EVL: variants seen among roughly 807,000 people sequenced by gnomAD.
EVL encodes Enah/Vasp-like.
Under a neutral mutation model 59.6 loss-of-function variants are expected in EVL, and 21 were observed. That is an observed-to-expected ratio of 0.35 (90% confidence interval 0.25 to 0.51). EVL has a LOEUF of 0.51. Among genes scored for constraint, EVL ranks in the 20% least tolerant of loss-of-function variants. EVL has a pLI of 0.97. For synonymous variants in EVL, 198 were observed against 203.5 expected (o/e 0.97, Z 0.23); for missense variants, 462 against 546.6 (o/e 0.85, Z 1.54).
intron 2 of EVL, among the ~76,000 whole-genome samples, chr14:100,086,071 G>A (rs2062436295): frequency 6.6e-6 from 1 of 152,206 alleles, no homozygotes; most frequent in Admixed American, 6.5e-5. Context: ...AGAGCTTGCA[G>A]TGAGCCGAGA....
At chr14:100,006,018 C>CCT (rs1566967187) in intron 1 of EVL, among the ~76,000 whole-genome samples, 1 of 147,646 alleles carries the variant, frequency 6.8e-6, no homozygotes, top group Non-Finnish European at 1.5e-5. Context: ...TTCCCCCCCC[C>CCT]CCCCCACACC....
intron 1 of EVL, among the ~76,000 whole-genome samples, chr14:100,073,563 T>C (rs1156641493): frequency 6.6e-6 from 1 of 152,026 alleles, no homozygotes; most frequent in East Asian, 1.9e-4. Flanking sequence ...CAAGCTGTCC[T>C]CCCACCTTGG....
At chr14:100,105,316 T>G (rs1470983010) in intron 3 of EVL, among the ~76,000 whole-genome samples, 2 of 152,086 alleles carry the variant, frequency 1.3e-5, no homozygotes, top group East Asian at 3.9e-4. Flanking sequence ...TTTTCACCTT[T>G]TGAATCTCAG....
intron 1 of EVL, among the ~76,000 whole-genome samples, chr14:99,973,764 C>T (rs2060751428): frequency 6.6e-6 from 1 of 152,158 alleles, no homozygotes; most frequent in Non-Finnish European, 1.5e-5. Flanking sequence ...AAAATAGTTT[C>T]CTGTAAAATA....
At chr14:100,101,951 C>G (rs1344918754) in intron 3 of EVL, among the ~76,000 whole-genome samples, 1 of 152,148 alleles carries the variant, frequency 6.6e-6, no homozygotes, top group African/African-American at 2.4e-5. Context: ...GATTCCCTTG[C>G]CTCAGCCTCA....
intron 3 of EVL, among the ~76,000 whole-genome samples, chr14:100,099,162 G>A (rs1008844447): frequency 4.7e-5 from 6 of 128,126 alleles, no homozygotes; most frequent in African/African-American, 1.8e-4. Flanking sequence ...AGGCAACATA[G>A]CAAGACCCTG....
chr14:100,136,080 G>A, intron 9 of EVL, 112 bp downstream of exon 9: 2 of 1,244,580 alleles, frequency 1.6e-6, no homozygotes, highest in South Asian at 1.2e-5. Context: ...CTGAGCAGAG[G>A]GCCAGGCCAC....
chr14:99,978,594 C>G (rs1000463562), intron 1 of EVL, among the ~76,000 whole-genome samples: 3 of 151,990 alleles, frequency 2.0e-5, no homozygotes, highest in Non-Finnish European at 4.4e-5. Context: ...TTTACCTGTA[C>G]CTGAAGTACT....
intron 3 of EVL, among the ~76,000 whole-genome samples, chr14:100,097,927 A>G (rs891114229): frequency 1.3e-5 from 2 of 152,234 alleles, no homozygotes; most frequent in Non-Finnish European, 2.9e-5. Flanking sequence ...GATCTGTTTT[A>G]AACTTGCCAT....
chr14:100,088,988 G>C (rs868129494), intron 2 of EVL, among the ~76,000 whole-genome samples: 30 of 152,162 alleles, frequency 2.0e-4, no homozygotes, highest in African/African-American at 7.2e-4. Context: ...AAAAGAAATT[G>C]ATGTGGCTAT....
Position 100,129,764 on chromosome 14 carries a change from C to T in EVL, c.839+80C>T, listed in dbSNP as rs1303733532. 6 of 1,433,086 alleles carry T rather than the reference C, an allele frequency of 4.2e-6. No homozygotes were observed. In the South Asian group the frequency reaches 7.4e-5, roughly 18 times the overall value. The allele number at this position is 1,433,086 out of a possible 1,614,324, so 88.8% of individuals were successfully genotyped here. A position where few individuals can be genotyped will look rare whatever the true frequency, so the allele number is the denominator to read the frequency against. ...CGCCCCCAGCGCTGCACAGAGAATCCTCTCTTGACCCCAGAATCTTTGTTC... is the reference window on the plus strand; with the variant it reads ...CGCCCCCAGCGCTGCACAGAGAATCTTCTCTTGACCCCAGAATCTTTGTTC... On this transcript the variant is annotated intron_variant, in intron 7 of 13. Coordinates refer to ENST00000392920, the MANE Select transcript of EVL (RefSeq NM_016337.3).
rs1886816484 is a variant in EVL at position 100,109,582 on chromosome 14, T to G, written c.358+11924T>G. ...TTGTGTGCCTCTCATAGCCTGGCACTTCCTGCCATTGCATCCTTCTCTGCA... is the reference window on the plus strand; with the variant it reads ...TTGTGTGCCTCTCATAGCCTGGCACGTCCTGCCATTGCATCCTTCTCTGCA... On this transcript the variant is annotated intron_variant, in intron 3 of 13. Transcript: ENST00000392920. This position sits in a 1 kb window ranked among gnomAD's most constrained non-coding sequence, Gnocchi z 4.3. 2.1e-6 allele frequency: 1 copy of G among 485,170 alleles called. No individual in the cohort carries two copies. Among genetic ancestry groups the G allele is most frequent in the East Asian group, 6.2e-5 (1 of 16,200 alleles). 30.1% of individuals were successfully genotyped at this position (485,170 alleles called of 1,614,324 possible).
At position 100,027,848 on chromosome 14, in the gene EVL, T is replaced by C. The variant is rs143664604; in HGVS notation, c.5+55791T>C. ...CGCCACTATGCCCAGCTAATTTTTG[T>C]ATTTTTAGTAGAGGCAGGGTTCCCA... On this transcript the variant is annotated intron_variant, in intron 1 of 13. Transcript: ENST00000402714. 6.4e-3 allele frequency among the ~76,000 whole-genome samples: 981 copies of C among 152,260 alleles called. 12 individuals carry two copies. Among genetic ancestry groups the C allele is most frequent in the African/African-American group, 0.023 (940 of 41,550 alleles).
intron 1 of EVL, among the ~76,000 whole-genome samples, chr14:100,075,551 A>C (rs775254801): frequency 1.3e-5 from 2 of 152,002 alleles, no homozygotes; most frequent in African/African-American, 2.4e-5. Context: ...CCTTATTAAC[A>C]CACTTGGCAG....
At chr14:100,071,390 T>C (rs1218489038) in intron 1 of EVL, among the ~76,000 whole-genome samples, 1 of 152,222 alleles carries the variant, frequency 6.6e-6, no homozygotes, top group Non-Finnish European at 1.5e-5. Flanking sequence ...AGAACTGTAT[T>C]TATAATATTA....
At chr14:99,978,777 TAC>T (rs1382382534) in intron 1 of EVL, among the ~76,000 whole-genome samples, 1 of 152,230 alleles carries the variant, frequency 6.6e-6, no homozygotes, top group Non-Finnish European at 1.5e-5. Flanking sequence ...TCTTGATAGA[TAC>T]TGTCATGAGA....
At chr14:100,074,148 A>G (rs1162043552) in intron 1 of EVL, among the ~76,000 whole-genome samples, 3 of 152,204 alleles carry the variant, frequency 2.0e-5, no homozygotes, top group Non-Finnish European at 4.4e-5. Context: ...GATCTGGGCC[A>G]TTCCACAGAC....
At chr14:100,138,606 G>A (rs1021610712) in intron 11 of EVL, 1 of 152,738 alleles carries the variant, frequency 6.5e-6, no homozygotes, top group Non-Finnish European at 1.5e-5. Flanking sequence ...AGTGCAGGTG[G>A]ACAGAGATGA....
At chr14:100,075,579 G>T (rs1288684655) in intron 1 of EVL, among the ~76,000 whole-genome samples, 1 of 152,168 alleles carries the variant, frequency 6.6e-6, no homozygotes, top group Non-Finnish European at 1.5e-5. Context: ...GCCCGGGCCA[G>T]AGGCACCAGG....
Sources: gnomAD v4.1 joint callset for allele counts (sites outside exome capture counted in the v4.1 genomes callset) on GRCh38, gnomAD v4.1.1 for gene constraint, Gnocchi (gnomAD v3.1) non-coding constraint, MANE v1.5 for transcripts, NCBI Gene and HGNC (gene_info 2026-07-23, HGNC 2026-07-21) for gene names.